Variants in LRP1B observed in about 807,000 individuals in gnomAD.
LRP1B encodes LDL receptor related protein 1B, also known as low-density lipoprotein receptor-related protein 1B.
A neutral mutation model predicts 556.6 loss-of-function variants in LRP1B; 217 were observed. The ratio of observed to expected loss-of-function variants is 0.39; its 90% CI spans 0.35 to 0.44. The LOEUF (loss-of-function observed/expected upper bound fraction) is 0.44. Ranked by LOEUF, LRP1B falls within the 20% of genes least tolerant of loss-of-function variation. The pLI is 1.00. For missense variants in LRP1B, 5,053 were observed against 5,620.8 expected (o/e 0.90, Z 3.23); for synonymous variants, 2,047 against 1,865.8 (o/e 1.10, Z -2.50).
At chr2:141,509,453 G>A in intron 2 of LRP1B, among the ~76,000 whole-genome samples, 1 of 152,202 alleles carries the variant, frequency 6.6e-6, no homozygotes, top group African/African-American at 2.4e-5. Context: ...TTTGAGTGAT[G>A]CTTATGACTA....
intron 2 of LRP1B, among the ~76,000 whole-genome samples, chr2:141,761,036 C>A (rs1391160735): frequency 6.6e-6 from 1 of 152,114 alleles, no homozygotes; most frequent in African/African-American, 2.4e-5. Context: ...GGTTGACAGA[C>A]TGAGTGATCC....
intron 21 of LRP1B, among the ~76,000 whole-genome samples, chr2:140,918,228 C>T (rs1486243068): frequency 6.8e-6 from 1 of 148,026 alleles, no homozygotes; most frequent in Non-Finnish European, 1.5e-5. Context: ...GTAGAGAATG[C>T]TTTTTGTAAA....
At chr2:140,327,724 G>T (rs1403305958) in intron 79 of LRP1B, among the ~76,000 whole-genome samples, 2 of 152,018 alleles carry the variant, frequency 1.3e-5, no homozygotes, top group African/African-American at 4.8e-5. Flanking sequence ...AAAACAGTGA[G>T]TATGTAATCC....
chr2:141,009,079 A>G (rs1020657715), intron 14 of LRP1B, among the ~76,000 whole-genome samples: 1 of 151,962 alleles, frequency 6.6e-6, no homozygotes, highest in Admixed American at 6.6e-5. Context: ...GGAACAAAGA[A>G]ACCTCCTTTT....
intron 2 of LRP1B, among the ~76,000 whole-genome samples, chr2:141,549,620 A>G (rs1432934298): frequency 6.6e-6 from 1 of 152,154 alleles, no homozygotes; most frequent in Non-Finnish European, 1.5e-5. Context: ...CAGCCTTAGT[A>G]GCCAGTGTTT....
intron 33 of LRP1B, among the ~76,000 whole-genome samples, chr2:140,774,409 T>C (rs1689420662): frequency 1.3e-5 from 2 of 152,114 alleles, no homozygotes; most frequent in South Asian, 4.1e-4. Context: ...GAGCATCATA[T>C]AGTAAATGTT....
intron 2 of LRP1B, among the ~76,000 whole-genome samples, chr2:141,660,743 C>T (rs1186208171): frequency 6.6e-6 from 1 of 150,674 alleles, no homozygotes; most frequent in Admixed American, 6.6e-5. Flanking sequence ...TTAGTCTTTC[C>T]CCTGCTGGCT....
In LRP1B at chr2:141,822,130, C is replaced by CACACACACAGAG. The variant is rs374369026; in HGVS notation, c.83-11730_83-11729insCTCTGTGTGTGT. ...ACACACACACACACACACACACACA[C>CACACACACAGAG]AGAGAGAGAGAGAGAGAGAGAGAGA... On this transcript the variant is annotated intron_variant, in intron 1 of 90. Transcript: ENST00000389484. Among the ~76,000 whole-genome samples the CACACACACAGAG allele has an allele frequency of 1.6e-4, 15 of 95,896 alleles. No homozygotes were observed. The East Asian group carries it at 2.7e-3, about 17-fold the overall frequency. 62.9% of individuals were successfully genotyped at this position (95,896 alleles called of 152,430 possible).
intron 2 of LRP1B, among the ~76,000 whole-genome samples, chr2:141,594,350 A>G (rs1381906234): frequency 6.6e-6 from 1 of 152,144 alleles, no homozygotes; most frequent in Admixed American, 6.5e-5. Context: ...GGTGAAAGAG[A>G]TAAGAATAGG....
chr2:140,525,347 G>C (rs927985725), intron 49 of LRP1B, among the ~76,000 whole-genome samples: 8 of 151,820 alleles, frequency 5.3e-5, no homozygotes, highest in African/African-American at 1.7e-4. Context: ...TGTATGTAAA[G>C]ATGGTTAACA....
chr2:141,295,606 A>G (rs1686149609), intron 3 of LRP1B, among the ~76,000 whole-genome samples: 1 of 152,132 alleles, frequency 6.6e-6, no homozygotes, highest in African/African-American at 2.4e-5. Flanking sequence ...GAAGTGAGGC[A>G]TGAGATTCAG....
intron 71 of LRP1B, 33 bp downstream of exon 71, chr2:140,370,677 A>C: frequency 6.2e-7 from 1 of 1,609,658 alleles, no homozygotes; most frequent in Non-Finnish European, 8.5e-7. Flanking sequence ...TCATTCTCTC[A>C]TTTACAGGCA....
chr2:140,555,999 T>C (rs1171293390), intron 43 of LRP1B, among the ~76,000 whole-genome samples: 1 of 152,040 alleles, frequency 6.6e-6, no homozygotes, highest in East Asian at 1.9e-4. Flanking sequence ...AAACTGCAGC[T>C]GTTACAAGTA....
intron 16 of LRP1B, among the ~76,000 whole-genome samples, chr2:140,993,686 A>G (rs1222576690): frequency 6.6e-6 from 1 of 152,062 alleles, no homozygotes; most frequent in Non-Finnish European, 1.5e-5. Context: ...TCAAAAATCC[A>G]AAGAATTTCC....
In LRP1B at chr2:141,344,790, T is replaced by G. The variant is rs1334400273; in HGVS notation, c.344-90149A>C. Among the ~76,000 whole-genome samples the G allele has an allele frequency of 3.3e-5, 5 of 152,248 alleles. No homozygotes were observed. In the East Asian group the frequency reaches 7.7e-4, roughly 24 times the overall value. On this transcript the variant is annotated intron_variant, in intron 3 of 90. Transcript: ENST00000389484. ...AAGTGAATTATGAATGAATACATGATTATTAATCATTTGTGAGAGACTAGT... is the reference window on the plus strand; with the variant it reads ...AAGTGAATTATGAATGAATACATGAGTATTAATCATTTGTGAGAGACTAGT...
At chr2:140,840,130 T>C in intron 30 of LRP1B, 45 bp from the exon 31 acceptor site, 1 of 1,074,250 alleles carries the variant, frequency 9.3e-7, no homozygotes. Flanking sequence ...GATGTAGACC[T>C]ACTCACTGAG....
intron 31 of LRP1B, among the ~76,000 whole-genome samples, chr2:140,817,986 C>T (rs1691187044): frequency 6.6e-6 from 1 of 151,984 alleles, no homozygotes; most frequent in Admixed American, 6.6e-5. Context: ...TTGGGCTGGT[C>T]CTGGGCCTCA....
chr2:141,640,392 T>C (rs940351544), intron 2 of LRP1B, among the ~76,000 whole-genome samples: 4 of 152,234 alleles, frequency 2.6e-5, no homozygotes, highest in South Asian at 4.1e-4. Context: ...CCAAATCTAA[T>C]TTTCTTTCCA....
At chr2:140,922,166 A>G (rs756015268) in intron 21 of LRP1B, among the ~76,000 whole-genome samples, 2 of 152,048 alleles carry the variant, frequency 1.3e-5, no homozygotes, top group Non-Finnish European at 2.9e-5. Flanking sequence ...TCTGGCATAA[A>G]GCGGGAAGAA....
Sources: gnomAD v4.1 joint callset for allele counts (sites outside exome capture counted in the v4.1 genomes callset) on GRCh38, gnomAD v4.1.1 for gene constraint, MANE v1.5 for transcripts, NCBI Gene and HGNC (gene_info 2026-07-23, HGNC 2026-07-21) for gene names.